ECRG4: variants seen among roughly 807,000 people sequenced by gnomAD.
ECRG4 encodes the protein ECRG4 augurin precursor, also known as augurin.
In ECRG4, 18 loss-of-function variants were observed where a neutral mutation model predicts 15.8. That is an observed-to-expected ratio of 1.14 (90% CI 0.79 to 1.69). The LOEUF (loss-of-function observed/expected upper bound fraction) is 1.69, where lower values mean the gene tolerates loss of function less well. Ranked by LOEUF, ECRG4 falls within the 40% of genes most tolerant of loss-of-function variation. The pLI is 0.00. For synonymous variants in ECRG4, 82 were observed against 73.9 expected, an observed-to-expected ratio of 1.11 and a Z score of -0.56; for missense variants, 200 against 190.9, an observed-to-expected ratio of 1.05 and a Z score of -0.28.
chr2:106,076,303 A>G (rs1676485774), intron 3 of ECRG4, among the ~76,000 whole-genome samples: 1 of 152,234 alleles, frequency 6.6e-6, no homozygotes, highest in South Asian at 2.1e-4. Context: ...CCTGGGTGAA[A>G]GAGTGAAACT....
At chr2:106,073,770 G>A in intron 2 of ECRG4, 116 bp from the exon 3 acceptor site, 1 of 1,208,420 alleles carries the variant, frequency 8.3e-7, no homozygotes, top group South Asian at 1.4e-5. Flanking sequence ...ATGAAGTTGA[G>A]AGTCAAAACC....
At chr2:106,067,562 C>CA (rs1676252877) in intron 1 of ECRG4, among the ~76,000 whole-genome samples, 2 of 152,058 alleles carry the variant, frequency 1.3e-5, no homozygotes, top group African/African-American at 4.8e-5. Flanking sequence ...CTCCGCCTCC[C>CA]AGGTTCAAGC....
intron 1 of ECRG4, among the ~76,000 whole-genome samples, chr2:106,068,965 C>T (rs1676282096): frequency 6.6e-6 from 1 of 152,180 alleles, no homozygotes; most frequent in Non-Finnish European, 1.5e-5. Context: ...TCTCAAACCC[C>T]CCAAGGCCAT....
At chr2:106,065,955 C>A in intron 1 of ECRG4, 112 bp downstream of exon 1, 1 of 957,032 alleles carries the variant, frequency 1.0e-6, no homozygotes, top group Non-Finnish European at 1.5e-6. Context: ...GCGTAGGGAC[C>A]CATCCTTAGC....
In ECRG4 at chr2:106,073,833, TGAGG is replaced by T. The variant is rs72034828; in HGVS notation, c.128-52_128-49del. On this transcript the variant is annotated intron_variant, in intron 2 of 3. Transcript: ENST00000238044. ...ATGTATAACAGGGATTCACCGCAAG[TGAGG>T]AAGGAAGTCATTCTTTGTGCTTTGG... 6,009 of 1,600,062 alleles carry T rather than the reference TGAGG, an allele frequency of 3.8e-3. 213 individuals are homozygous for T. The African/African-American group carries it at 0.07, about 19-fold the overall frequency.
chr2:106,073,222 C>G (rs1676409053), intron 2 of ECRG4, among the ~76,000 whole-genome samples: 1 of 152,178 alleles, frequency 6.6e-6, no homozygotes, highest in South Asian at 2.1e-4. Context: ...GGAAGTGGTT[C>G]CATTTCAACA....
chr2:106,065,909 T>G (rs4477942), intron 1 of ECRG4, 66 bp downstream of exon 1: 285,481 of 1,368,334 alleles, frequency 0.21, 31,355 homozygotes, highest in South Asian at 0.34. Context: ...GGCGCTTCCA[T>G]GGTGCCCGGG....
At chr2:106,067,536 C>T (rs1387577037) in intron 1 of ECRG4, among the ~76,000 whole-genome samples, 1 of 151,656 alleles carries the variant, frequency 6.6e-6, no homozygotes, top group Non-Finnish European at 1.5e-5. Flanking sequence ...ATGGCGTGAC[C>T]TTGGCTCACT....
At chr2:106,069,165 TTTCTTTTTTC>T (rs1676295539) in intron 1 of ECRG4, among the ~76,000 whole-genome samples, 2 of 135,854 alleles carry the variant, frequency 1.5e-5, no homozygotes, top group Non-Finnish European at 3.3e-5. Context: ...TCTTTCTTTC[TTTCTTTTTTC>T]TTTCTTTCTT....
chr2:106,077,924 T>A lies in ECRG4; in HGVS notation c.445T>A (p.Ter149LysextTer2), dbSNP rs1676519981. Residue 149 changes from the stop codon to lysine (K), a stop_lost, in exon 4 of 4, where the codon TAA becomes AAA. Coordinates refer to ENST00000238044, the MANE Select transcript of ECRG4 (RefSeq NM_032411.3). ...AGCCAGCGTCAACTACGATGACTAC[T>A]AACCATGACTTGCCACACGCTGTAC... ...HGASVNYDDY[*>K] The A allele has an allele frequency of 1.2e-6, 2 of 1,613,838 alleles. No individual in the cohort carries two copies. Among genetic ancestry groups the A allele is most frequent in the Admixed American group, 3.3e-5 (2 of 59,958 alleles).
In ECRG4 at chr2:106,076,603, G is replaced by A. The variant is rs141218223; in HGVS notation, c.286-1162G>A. On this transcript the variant is annotated intron_variant, in intron 3 of 3. Transcript: ENST00000238044. The stretch of plus-strand genomic sequence containing the variant: ...ACTGAGCCCCAGAGACCACAGACAC[G>A]GGCTAGGCTGGGGATTCCAGCCTCA... Among the ~76,000 whole-genome samples, 725 of 152,150 alleles carry A rather than the reference G, an allele frequency of 4.8e-3. 10 individuals carry two copies. Among genetic ancestry groups the A allele is most frequent in the Admixed American group, 0.031 (474 of 15,290 alleles).
chr2:106,063,859 G>A (rs1676150775), upstream of ECRG4, among the ~76,000 whole-genome samples: 1 of 152,334 alleles, frequency 6.6e-6, no homozygotes, highest in East Asian at 1.9e-4. Context: ...TGGGATTACA[G>A]GCGTGAGCCA....
At chr2:106,074,560 T>C (rs186543931) in intron 3 of ECRG4, among the ~76,000 whole-genome samples, 1 of 152,340 alleles carries the variant, frequency 6.6e-6, no homozygotes, top group East Asian at 1.9e-4. Context: ...TTACAGTTCA[T>C]GCGCCTAGAT....
Position 106,077,979 on chromosome 2 carries a change from T to A in ECRG4, c.*53T>A. On this transcript the variant is annotated 3_prime_UTR_variant, in exon 4 of 4. Coordinates refer to ENST00000238044, the MANE Select transcript of ECRG4 (RefSeq NM_032411.3). Reference sequence around the variant, plus strand: ...AGCAAATAGCGATTCTCTTCATGTATCTCCTAATGCCTTACACTACTTGGT... The same window carrying A: ...AGCAAATAGCGATTCTCTTCATGTAACTCCTAATGCCTTACACTACTTGGT... 6.4e-7 allele frequency: 1 copy of A among 1,554,172 alleles called. No homozygotes were observed.
chr2:106,067,062 G>GGGGGGC (rs1676235413), intron 1 of ECRG4, among the ~76,000 whole-genome samples: 2 of 72,908 alleles, frequency 2.7e-5, no homozygotes, highest in Non-Finnish European at 6.0e-5. Flanking sequence ...GGGAGGCCGG[G>GGGGGGC]GGGGGGGGGG....
intron 1 of ECRG4, among the ~76,000 whole-genome samples, chr2:106,066,993 A>G (rs1307606619): frequency 7.1e-6 from 1 of 141,458 alleles, no homozygotes; most frequent in African/African-American, 2.6e-5. Context: ...TGTTCTTGCC[A>G]CTTTAAGAAG....
chr2:106,071,217 C>T (rs1573361118), intron 1 of ECRG4, among the ~76,000 whole-genome samples: 1 of 150,838 alleles, frequency 6.6e-6, no homozygotes, highest in South Asian at 2.1e-4. Context: ...GGGTGACCTC[C>T]GTGGATCCTC....
rs1305782880 is a variant in ECRG4, at chr2:106,065,734, C to T, written c.-31C>T. The T allele has an allele frequency of 2.1e-6, 3 of 1,460,882 alleles. No individual in the cohort carries two copies. The highest frequency in any genetic ancestry group is 6.0e-5 in the East Asian group (2 of 33,512). 90.5% of individuals were successfully genotyped at this position (1,460,882 alleles called of 1,614,324 possible). A position where few individuals can be genotyped will look rare whatever the true frequency, so the allele number is the denominator to read the frequency against. On this transcript the variant is annotated 5_prime_UTR_variant, in exon 1 of 4. Coordinates refer to ENST00000238044, the MANE Select transcript of ECRG4 (RefSeq NM_032411.3). ...CTCCCTCGCAGCACCTCGAAGTGCG[C>T]CCCTCGCCCTCCTGCTCGCGCCCCG...
At chr2:106,075,650 AGGC>A (rs1272401292) in intron 3 of ECRG4, among the ~76,000 whole-genome samples, 11 of 152,152 alleles carry the variant, frequency 7.2e-5, no homozygotes, top group Admixed American at 7.2e-4. Flanking sequence ...CGAACCCGGG[AGGC>A]GGAGTTTGCT....
Sources: allele counts gnomAD v4.1 joint callset (sites outside exome capture counted in the v4.1 genomes callset), GRCh38; gene constraint gnomAD v4.1.1; transcripts MANE v1.5; gene names NCBI Gene and HGNC (gene_info 2026-07-23, HGNC 2026-07-21).